The following SRRM4 variants were observed in gnomAD, a reference collection of about 807,000 sequenced individuals.
SRRM4 encodes serine/arginine repetitive matrix 4, also known as serine/arginine repetitive matrix protein 4.
SRRM4 carries 33 observed loss-of-function variants against 68.9 expected under a neutral mutation model. The ratio of observed to expected loss-of-function variants is 0.48; its 90% CI spans 0.36 to 0.64. The LOEUF (loss-of-function observed/expected upper bound fraction) is 0.64. SRRM4 is among the 30% of genes least tolerant of loss of function. The pLI is 0.00. For synonymous variants in SRRM4, 318 were observed against 318.8 expected, an observed-to-expected ratio of 1.00 and a Z score of 0.03; for missense variants, 817 against 827.1, an observed-to-expected ratio of 0.99 and a Z score of 0.15.
intron 1 of SRRM4, among the ~76,000 whole-genome samples, chr12:119,041,542 C>T (rs1825703991): frequency 6.6e-6 from 1 of 152,192 alleles, no homozygotes; most frequent in African/African-American, 2.4e-5. Context: ...AATGACAGCC[C>T]TGCAATATGG....
chr12:119,060,823 C>T (rs1364264174), intron 1 of SRRM4, among the ~76,000 whole-genome samples: 1 of 152,106 alleles, frequency 6.6e-6, no homozygotes, highest in Non-Finnish European at 1.5e-5. Flanking sequence ...TCAGCTCACG[C>T]CCGCTCTTAT....
intron 9 of SRRM4, among the ~76,000 whole-genome samples, chr12:119,147,041 T>G (rs941622838): frequency 2.0e-5 from 3 of 152,184 alleles, no homozygotes; most frequent in African/African-American, 7.2e-5. Context: ...TTGTAATTGC[T>G]AAAACTTGGA....
chr12:118,996,129 C>T (rs1036764560), intron 1 of SRRM4, among the ~76,000 whole-genome samples: 10 of 152,154 alleles, frequency 6.6e-5, no homozygotes, highest in African/African-American at 2.4e-4. Context: ...TTATTTCATT[C>T]AACTGACAGT....
chr12:119,061,687 T>C (rs978615707), intron 1 of SRRM4, among the ~76,000 whole-genome samples: 4 of 152,186 alleles, frequency 2.6e-5, no homozygotes, highest in African/African-American at 9.6e-5. Flanking sequence ...TCTGAAAAGA[T>C]AGATGTGTCC....
chr12:118,994,416 G>A (rs1324116822), intron 1 of SRRM4, among the ~76,000 whole-genome samples: 3 of 151,896 alleles, frequency 2.0e-5, no homozygotes, highest in African/African-American at 7.3e-5. Context: ...CTCCCGGCTT[G>A]CAACTTGGGC....
chr12:119,063,868 G>A (rs1020048543), intron 1 of SRRM4, among the ~76,000 whole-genome samples: 2 of 152,154 alleles, frequency 1.3e-5, no homozygotes, highest in Admixed American at 6.5e-5. Flanking sequence ...GACAGAAACA[G>A]AGAGAGATGG....
At position 119,156,490 on chromosome 12, in the gene SRRM4, T is replaced by C. The variant is rs766833144; in HGVS notation, c.1533-5T>C. ...CCTCATCCCTCCTCTCTCTGGTCTC[T>C]GCAGTGCCCGGAAACGCCCCATCCC... On this transcript the variant is annotated splice_region_variant and splice_polypyrimidine_tract_variant and intron_variant, in intron 12 of 12. Transcript: ENST00000267260. 6 of 1,596,714 alleles carry C rather than the reference T, an allele frequency of 3.8e-6. No individual in the cohort carries two copies. The Admixed American group carries it at 8.4e-5, about 22-fold the overall frequency.
chr12:119,155,441 A>G (rs766528756), intron 12 of SRRM4, among the ~76,000 whole-genome samples: 2 of 152,358 alleles, frequency 1.3e-5, no homozygotes, highest in East Asian at 1.9e-4. Flanking sequence ...CCCTTCTCCA[A>G]TATCCCACAG....
intron 1 of SRRM4, among the ~76,000 whole-genome samples, chr12:119,039,540 G>T (rs1565895162): frequency 6.6e-6 from 1 of 152,116 alleles, no homozygotes; most frequent in Non-Finnish European, 1.5e-5. Flanking sequence ...CCAATATGCA[G>T]GGTGACCACC....
At chr12:118,982,680 T>TG (rs1491566744) in intron 1 of SRRM4, among the ~76,000 whole-genome samples, 9 of 123,778 alleles carry the variant, frequency 7.3e-5, no homozygotes, top group African/African-American at 2.7e-4. Flanking sequence ...TTTTTTTTTG[T>TG]TTTTTTTTTT....
chr12:119,095,303 G>A (rs1267774412), intron 1 of SRRM4, among the ~76,000 whole-genome samples: 6 of 152,198 alleles, frequency 3.9e-5, no homozygotes, highest in Admixed American at 6.5e-5. Context: ...GAGCATTTAA[G>A]CATGAGAGTC....
intron 3 of SRRM4, 116 bp downstream of exon 3, chr12:119,114,480 T>C: frequency 1.3e-6 from 1 of 756,042 alleles, no homozygotes; most frequent in Non-Finnish European, 2.2e-6. Context: ...GATGCTTAAC[T>C]AGCTGTGTGA....
At chr12:119,091,689 C>G (rs753174098) in intron 1 of SRRM4, among the ~76,000 whole-genome samples, 5 of 152,130 alleles carry the variant, frequency 3.3e-5, no homozygotes, top group Admixed American at 2.6e-4. Context: ...CCAAGGTCAC[C>G]CAGCTGGTGA....
At chr12:118,992,258 A>T (rs1953321526) in intron 1 of SRRM4, 1 of 151,974 alleles carries the variant, frequency 6.6e-6, no homozygotes, top group South Asian at 2.1e-4. Flanking sequence ...CTCTTGTTTG[A>T]ACTTCTCTGC....
intron 8 of SRRM4, among the ~76,000 whole-genome samples, chr12:119,133,381 G>A (rs901471955): frequency 6.6e-6 from 1 of 152,168 alleles, no homozygotes; most frequent in Non-Finnish European, 1.5e-5. Flanking sequence ...TAATAGCAGT[G>A]GTAGTAGTCA....
intron 1 of SRRM4, among the ~76,000 whole-genome samples, chr12:119,097,423 A>G (rs1403503256): frequency 1.3e-5 from 2 of 152,212 alleles, no homozygotes; most frequent in Non-Finnish European, 2.9e-5. Flanking sequence ...TCATCCATCC[A>G]TTTATTCATT....
chr12:118,996,825 G>A (rs966744880), intron 1 of SRRM4, among the ~76,000 whole-genome samples: 47 of 152,128 alleles, frequency 3.1e-4, no homozygotes, highest in African/African-American at 1.1e-3. Flanking sequence ...CCAGAGTCAA[G>A]GTATGGAGCA....
chr12:119,090,274 G>A (rs1408558946), intron 1 of SRRM4, among the ~76,000 whole-genome samples: 2 of 152,186 alleles, frequency 1.3e-5, no homozygotes, highest in Non-Finnish European at 2.9e-5. Context: ...GTGGGTCTAT[G>A]TCTTAGATGG....
chr12:119,098,439 T>C (rs546471866), intron 1 of SRRM4, among the ~76,000 whole-genome samples: 1 of 152,330 alleles, frequency 6.6e-6, no homozygotes, highest in Admixed American at 6.5e-5. Flanking sequence ...TCAAAAGCAC[T>C]TTCTAACTTT....
Sources: gnomAD v4.1 joint callset for allele counts (sites outside exome capture counted in the v4.1 genomes callset) on GRCh38, gnomAD v4.1.1 for gene constraint, MANE v1.5 for transcripts, NCBI Gene and HGNC (gene_info 2026-07-23, HGNC 2026-07-21) for gene names.